Variants in CSMD1 observed in about 807,000 individuals in gnomAD.
CSMD1 encodes the protein CUB and Sushi multiple domains 1.
Under a neutral mutation model 417.5 loss-of-function variants are expected in CSMD1, and 213 were observed. The ratio of observed to expected loss-of-function variants is 0.51; its 90% CI spans 0.46 to 0.57. The LOEUF (loss-of-function observed/expected upper bound fraction) is 0.57. Among genes scored for constraint, CSMD1 ranks in the 20% least tolerant of loss-of-function variants. The pLI, the probability that CSMD1 is intolerant of heterozygous loss-of-function variation, is 0.00. For missense variants in CSMD1, 6,923 were observed against 4,529.7 expected, an observed-to-expected ratio of 1.53 and a Z score of -15.17; for synonymous variants, 2,862 against 1,736.8, an observed-to-expected ratio of 1.65 and a Z score of -16.11.
chr8:4,206,067 C>G (rs1274855077), intron 3 of CSMD1, among the ~76,000 whole-genome samples: 1 of 152,058 alleles, frequency 6.6e-6, no homozygotes, highest in Non-Finnish European at 1.5e-5. Flanking sequence ...TCCATTCTTC[C>G]CAATTCAAAG....
At chr8:3,637,999 G>A (rs752224647) in intron 7 of CSMD1, among the ~76,000 whole-genome samples, 1 of 152,158 alleles carries the variant, frequency 6.6e-6, no homozygotes, top group African/African-American at 2.4e-5. Flanking sequence ...GTGGAACCAT[G>A]AGTCCATTAA....
chr8:3,295,585 T>G (rs10108100), intron 25 of CSMD1, among the ~76,000 whole-genome samples: 79,549 of 152,142 alleles, frequency 0.52, 22,203 homozygotes, highest in Middle Eastern at 0.7. Flanking sequence ...TACCGCACTG[T>G]ATATTCCACT....
intron 2 of CSMD1, among the ~76,000 whole-genome samples, chr8:4,628,344 A>G (rs1442756717): frequency 6.7e-6 from 1 of 150,256 alleles, no homozygotes; most frequent in Non-Finnish European, 1.5e-5. Context: ...TTTCACTCAT[A>G]TATATATACT....
chr8:3,192,160 A>G (rs1796462402), intron 33 of CSMD1, among the ~76,000 whole-genome samples: 2 of 152,212 alleles, frequency 1.3e-5, no homozygotes, highest in Non-Finnish European at 2.9e-5. Flanking sequence ...CAAAATTAAT[A>G]AAAGTGTCTA....
intron 3 of CSMD1, among the ~76,000 whole-genome samples, chr8:4,173,053 G>T (rs979103253): frequency 6.6e-6 from 1 of 152,124 alleles, no homozygotes; most frequent in African/African-American, 2.4e-5. Context: ...GAAATTTCCT[G>T]CCCAGCAATA....
chr8:4,891,345 G>A (rs910456437), intron 1 of CSMD1, among the ~76,000 whole-genome samples: 1 of 152,122 alleles, frequency 6.6e-6, no homozygotes, highest in Non-Finnish European at 1.5e-5. Flanking sequence ...GAAGTTTATT[G>A]AAGTGAATTA....
chr8:4,954,703 C>T (rs1056601133), intron 1 of CSMD1, among the ~76,000 whole-genome samples: 2 of 152,078 alleles, frequency 1.3e-5, no homozygotes, highest in Non-Finnish European at 2.9e-5. Flanking sequence ...CTATCATAAA[C>T]TACATAAGCA....
At chr8:4,106,379 G>T (rs777780934) in intron 3 of CSMD1, among the ~76,000 whole-genome samples, 3 of 152,126 alleles carry the variant, frequency 2.0e-5, no homozygotes, top group African/African-American at 4.8e-5. Flanking sequence ...CAATTACAAT[G>T]CTGCATAATT....
At chr8:3,427,594 T>A (rs771432547) in intron 12 of CSMD1, among the ~76,000 whole-genome samples, 3 of 152,164 alleles carry the variant, frequency 2.0e-5, no homozygotes, top group Non-Finnish European at 4.4e-5. Flanking sequence ...TATGAAACAA[T>A]CTATTTGACC....
intron 1 of CSMD1, among the ~76,000 whole-genome samples, chr8:4,751,239 G>C (rs145592037): frequency 3.4e-4 from 51 of 152,206 alleles, no homozygotes; most frequent in Non-Finnish European, 6.6e-4. Flanking sequence ...ACACAAATTA[G>C]GCAGACATTG....
chr8:4,461,276 G>A (rs187065808), intron 2 of CSMD1, among the ~76,000 whole-genome samples: 2 of 151,960 alleles, frequency 1.3e-5, no homozygotes, highest in Non-Finnish European at 2.9e-5. Flanking sequence ...AGTTAACATT[G>A]TATTTAATGA....
At chr8:4,624,525 C>T (rs940546912) in intron 2 of CSMD1, among the ~76,000 whole-genome samples, 1 of 152,076 alleles carries the variant, frequency 6.6e-6, no homozygotes, top group Non-Finnish European at 1.5e-5. Context: ...TTGCCTTTGG[C>T]CTGCACTGGA....
chr8:4,339,316 T>A (rs1363612605), intron 3 of CSMD1, among the ~76,000 whole-genome samples: 1 of 152,130 alleles, frequency 6.6e-6, no homozygotes, highest in East Asian at 1.9e-4. Flanking sequence ...CATTTTGTGA[T>A]TTAAATTCAC....
intron 2 of CSMD1, among the ~76,000 whole-genome samples, chr8:4,446,009 G>A (rs1416102569): frequency 2.0e-5 from 3 of 152,092 alleles, no homozygotes; most frequent in Admixed American, 1.3e-4. Flanking sequence ...GCAGCACCCT[G>A]ACTCTGTGCC....
chr8:4,330,215 T>A (rs1799790665), intron 3 of CSMD1, among the ~76,000 whole-genome samples: 2 of 151,938 alleles, frequency 1.3e-5, no homozygotes, highest in African/African-American at 4.8e-5. Flanking sequence ...ATAACACCCG[T>A]CAGATCCACC....
In CSMD1 at chr8:3,106,542, A is replaced by C; in HGVS notation, c.6935T>G (p.Leu2312Arg). The C allele has an allele frequency of 6.2e-7, 1 of 1,612,244 alleles. No homozygotes were observed. The highest frequency in any genetic ancestry group is 2.2e-5 in the East Asian group (1 of 44,878). Reference protein sequence around the residue: ...LSSQLQFEGSLPTCEAQCPAN... With the variant: ...LSSQLQFEGSRPTCEAQCPAN... Reference sequence around the variant, plus strand: ...ACAGTGCATACCTTCACATGTTGGGAGAGAACCCTCAAACTGCAACTGGGA... The same window carrying C: ...ACAGTGCATACCTTCACATGTTGGGCGAGAACCCTCAAACTGCAACTGGGA... Residue 2312 changes from leucine (L) to arginine (R), a missense_variant, in exon 46 of 70, where the codon CTC (leucine) becomes CGC (arginine). Physicochemically the swap from Leu to Arg is moderately radical, Grantham distance 102. Coordinates refer to ENST00000635120, the MANE Select transcript of CSMD1 (RefSeq NM_033225.6).
chr8:3,189,149 C>A, intron 34 of CSMD1, 138 bp from the exon 35 acceptor site: 3 of 707,892 alleles, frequency 4.2e-6, no homozygotes, highest in Non-Finnish European at 6.5e-6. Flanking sequence ...GCACTTTTAG[C>A]CAAGGTAAAA....
rs142699793 is a variant in CSMD1 at position 4,166,758 on chromosome 8, T to C, written c.416-134659A>G. ...CTATTGCCCCAAAACTATTGAAGCA[T>C]AAAAAAAGCAAAATGTAGCCCTACC... On this transcript the variant is annotated intron_variant, in intron 3 of 69. Coordinates refer to ENST00000635120, the MANE Select transcript of CSMD1 (RefSeq NM_033225.6). Among the ~76,000 whole-genome samples the C allele has an allele frequency of 1.0e-3, 159 of 152,202 alleles. 1 individual carries two copies. The highest frequency in any genetic ancestry group is 3.6e-3 in the African/African-American group (150 of 41,522).
chr8:4,467,503 G>C (rs17070360), intron 2 of CSMD1, among the ~76,000 whole-genome samples: 14,243 of 152,194 alleles, frequency 0.094, 1,002 homozygotes, highest in East Asian at 0.28. Flanking sequence ...ATAGAGTTCT[G>C]ACTTAAGCAC....
Sources: gnomAD v4.1 joint callset for allele counts (sites outside exome capture counted in the v4.1 genomes callset) on GRCh38, gnomAD v4.1.1 for gene constraint, MANE v1.5 for transcripts, NCBI Gene and HGNC (gene_info 2026-07-23, HGNC 2026-07-21) for gene names.